MID1: variants seen among roughly 807,000 people sequenced by gnomAD.
MID1 encodes E3 ubiquitin-protein ligase Midline-1.
Under a neutral mutation model 40.4 loss-of-function variants are expected in MID1, and 7 were observed. That is an observed-to-expected ratio of 0.17 (90% CI 0.10 to 0.33). The LOEUF is 0.33. Ranked by LOEUF, MID1 falls within the 10% of genes least tolerant of loss-of-function variation. The pLI is 1.00. For missense variants in MID1, 367 were observed against 558.5 expected, an observed-to-expected ratio of 0.66 and a Z score of 3.46; for synonymous variants, 229 against 221.2, an observed-to-expected ratio of 1.04 and a Z score of -0.31.
intron 1 of MID1, among the ~76,000 whole-genome samples, chrX:10,727,826 G>C (rs2043405495): frequency 8.9e-6 from 1 of 111,939 alleles, no homozygotes; most frequent in Non-Finnish European, 1.9e-5. Flanking sequence ...AATAAGCAGT[G>C]CTGGCCTTTC....
chrX:10,548,730 A>G (rs1933795111), intron 2 of MID1, among the ~76,000 whole-genome samples: 1 of 110,963 alleles, frequency 9.0e-6, no homozygotes, highest in Non-Finnish European at 1.9e-5. Context: ...TTTCATAAGT[A>G]CCAAACACAT....
chrX:10,759,814 G>A (rs189489939), intron 1 of MID1, among the ~76,000 whole-genome samples: 1 of 112,005 alleles, frequency 8.9e-6, no homozygotes, highest in East Asian at 2.8e-4. Context: ...AAATGCCTGT[G>A]TGGTTTGTAA....
intron 1 of MID1, among the ~76,000 whole-genome samples, chrX:10,759,798 C>A (rs1176912581): frequency 1.8e-5 from 2 of 112,040 alleles, no homozygotes; most frequent in African/African-American, 6.5e-5. Context: ...AGTTCTCTAG[C>A]ATAAGAAATG....
At chrX:10,493,271 T>C (rs771044816) in intron 4 of MID1, among the ~76,000 whole-genome samples, 3 of 111,586 alleles carry the variant, frequency 2.7e-5, no homozygotes, top group African/African-American at 6.5e-5. Context: ...AGAGGTCAGA[T>C]TGATGCAAAG....
At chrX:10,580,281 T>G (rs1244698207) in intron 1 of MID1, among the ~76,000 whole-genome samples, 5 of 106,848 alleles carry the variant, frequency 4.7e-5, no homozygotes, top group Non-Finnish European at 9.6e-5. Context: ...ACTGGTTCTG[T>G]CAAATAACTG....
At chrX:10,459,969 G>T in intron 7 of MID1, 162 bp from the exon 8 acceptor site, 3 of 553,804 alleles carry the variant, frequency 5.4e-6, no homozygotes, top group Non-Finnish European at 9.0e-6. Flanking sequence ...ACGTAGATGT[G>T]GCAGATTGCA....
chrX:10,534,325 A>T (rs1337672116), intron 2 of MID1, among the ~76,000 whole-genome samples: 2 of 112,255 alleles, frequency 1.8e-5, no homozygotes, highest in Non-Finnish European at 3.8e-5. Flanking sequence ...TTAGTCTCAT[A>T]GTGGATGCTT....
chrX:10,451,523 C>T (rs780184821), intron 9 of MID1, among the ~76,000 whole-genome samples: 5 of 111,306 alleles, frequency 4.5e-5, no homozygotes, highest in East Asian at 2.8e-4. Flanking sequence ...TGGCATGCAT[C>T]GAGGGTCTCA....
At chrX:10,741,487 C>A (rs1165297017) in intron 1 of MID1, among the ~76,000 whole-genome samples, 2 of 106,945 alleles carry the variant, frequency 1.9e-5, no homozygotes, top group East Asian at 5.9e-4. Context: ...TAAATACATT[C>A]TTTCCTTCTT....
chrX:10,539,714 CA>C (rs35999366), intron 2 of MID1, among the ~76,000 whole-genome samples: 37,431 of 109,997 alleles, frequency 0.34, 4,881 homozygotes, highest in Non-Finnish European at 0.38. Context: ...CCTCAATAGC[CA>C]AAAAAAAATC....
Position 10,449,398 on chromosome X carries a change from G to T in MID1, c.1974C>A (p.Asp658Glu). 1 of 1,211,321 alleles carries T rather than the reference G, an allele frequency of 8.3e-7. No homozygotes were observed. Among genetic ancestry groups the T allele is most frequent in the South Asian group, 1.8e-5 (1 of 56,960 alleles). ...LTIITGLPIPDHLDCTEQLP is the reference protein window; with the variant it reads ...LTIITGLPIPEHLDCTEQLP ...GCAGCTGCTCTGTGCAGTCCAAATGGTCTGGGATAGGGAGCCCAGTGATAA... is the reference window on the plus strand; with the variant it reads ...GCAGCTGCTCTGTGCAGTCCAAATGTTCTGGGATAGGGAGCCCAGTGATAA... Residue 658 changes from aspartate to glutamate, a missense_variant, in exon 10 of 10, where the codon GAC becomes GAA. Asp to Glu is a conservative substitution (Grantham distance 45). Transcript: ENST00000317552.
chrX:10,616,326 G>A (rs1043419226), intron 1 of MID1, among the ~76,000 whole-genome samples: 6 of 112,340 alleles, frequency 5.3e-5, no homozygotes, highest in Admixed American at 9.4e-5. Flanking sequence ...ATTAAATTAC[G>A]TCTGCAAGAT....
At chrX:10,811,125 A>G (rs7064396) in intron 1 of MID1, among the ~76,000 whole-genome samples, 1,735 of 111,572 alleles carry the variant, frequency 0.016, 41 homozygotes, top group African/African-American at 0.054. Flanking sequence ...GCTTATGACA[A>G]CAATGTCATC....
At chrX:10,598,634 G>A (rs1935458464) in intron 1 of MID1, among the ~76,000 whole-genome samples, 1 of 112,334 alleles carries the variant, frequency 8.9e-6, no homozygotes, top group African/African-American at 3.2e-5. Context: ...CTTTGAGGTT[G>A]GAGATGGCCA....
At chrX:10,826,244 C>T (rs761516556) in intron 1 of MID1, among the ~76,000 whole-genome samples, 3 of 110,615 alleles carry the variant, frequency 2.7e-5, no homozygotes, top group Non-Finnish European at 5.7e-5. Context: ...ATGCATCATC[C>T]ACTCCTTTCG....
chrX:10,453,540 T>C (rs181239977), intron 9 of MID1, among the ~76,000 whole-genome samples: 167 of 111,959 alleles, frequency 1.5e-3, no homozygotes, highest in African/African-American at 5.2e-3. Context: ...AATAGCAGCA[T>C]ACCATGGTGG....
At chrX:10,829,619 CA>C (rs1321013559) in intron 1 of MID1, among the ~76,000 whole-genome samples, 1 of 111,919 alleles carries the variant, frequency 8.9e-6, no homozygotes, top group Non-Finnish European at 1.9e-5. Flanking sequence ...TATGTGATTG[CA>C]AGCAATTAAT....
chrX:10,827,781 T>C (rs940875141), intron 1 of MID1, among the ~76,000 whole-genome samples: 1 of 111,009 alleles, frequency 9.0e-6, no homozygotes, highest in Admixed American at 9.6e-5. Context: ...GCTCTTTATT[T>C]AAAAATGCTG....
intron 1 of MID1, among the ~76,000 whole-genome samples, chrX:10,736,295 A>G (rs867988602): frequency 1.8e-5 from 2 of 112,316 alleles, no homozygotes; most frequent in Middle Eastern, 9.1e-3. Flanking sequence ...CTATTCTCAC[A>G]CTGAGTTTGA....
Sources: allele counts gnomAD v4.1 joint callset (sites outside exome capture counted in the v4.1 genomes callset), GRCh38; gene constraint gnomAD v4.1.1; transcripts MANE v1.5; gene names NCBI Gene and HGNC (gene_info 2026-07-23, HGNC 2026-07-21).